The following NUDT9 variants were observed in gnomAD, a reference collection of about 807,000 sequenced individuals.
NUDT9 encodes the protein ADP-ribose pyrophosphatase.
Under a neutral mutation model 41.0 loss-of-function variants are expected in NUDT9, and 31 were observed. That is an observed-to-expected ratio of 0.76 (90% CI 0.57 to 1.02). NUDT9 has a LOEUF of 1.02. Ranked by LOEUF, NUDT9 falls within the 50% of genes least tolerant of loss-of-function variation. The pLI is 0.00. For missense variants in NUDT9, 380 were observed against 431.4 expected, an observed-to-expected ratio of 0.88 and a Z score of 1.06; for synonymous variants, 146 against 147.6, an observed-to-expected ratio of 0.99 and a Z score of 0.08.
At chr4:87,428,120 G>A (rs1005379066) in intron 1 of NUDT9, among the ~76,000 whole-genome samples, 2 of 152,140 alleles carry the variant, frequency 1.3e-5, no homozygotes, top group South Asian at 2.1e-4. Context: ...CCCGTCTGGG[G>A]ATATTAACTT....
chr4:87,436,405 G>A (rs1482503943), intron 2 of NUDT9, among the ~76,000 whole-genome samples: 1 of 152,078 alleles, frequency 6.6e-6, no homozygotes, highest in Non-Finnish European at 1.5e-5. Flanking sequence ...TGATCTCCTG[G>A]GCTCAAGTGA....
In NUDT9 at chr4:87,459,018, A is replaced by G. The variant is rs1169904734; in HGVS notation, c.*997A>G. ...TATGTTCATTGCTGCACTATTCACA[A>G]TAGCGAAGACATGAAATCAACCTAA... On this transcript the variant is annotated 3_prime_UTR_variant, in exon 8 of 8. Coordinates refer to ENST00000302174, the MANE Select transcript of NUDT9 (RefSeq NM_024047.5). 6.6e-6 allele frequency: 1 copy of G among 152,242 alleles called. No individual in the cohort carries two copies. The highest frequency in any genetic ancestry group is 2.4e-5 in the African/African-American group (1 of 41,468). 9.4% of individuals were successfully genotyped at this position (152,242 alleles called of 1,614,324 possible).
At chr4:87,423,513 T>C (rs897473174) in intron 1 of NUDT9, among the ~76,000 whole-genome samples, 1 of 149,444 alleles carries the variant, frequency 6.7e-6, no homozygotes, top group African/African-American at 2.4e-5. Flanking sequence ...TGTCTTACAC[T>C]GCCTCCTTCT....
chr4:87,453,813 A>G (rs150406792), intron 6 of NUDT9, among the ~76,000 whole-genome samples: 244 of 152,074 alleles, frequency 1.6e-3, no homozygotes, highest in African/African-American at 5.5e-3. Context: ...GTACTACATT[A>G]AAAGTTTTAT....
intron 4 of NUDT9, among the ~76,000 whole-genome samples, chr4:87,442,794 T>C (rs1560794497): frequency 1.3e-5 from 2 of 152,204 alleles, no homozygotes; most frequent in African/African-American, 4.8e-5. Flanking sequence ...ATCACTGTTT[T>C]CCACCTCCAC....
intron 6 of NUDT9, 121 bp from the exon 7 acceptor site, chr4:87,454,250 A>G: frequency 1.6e-6 from 1 of 624,644 alleles, no homozygotes; most frequent in East Asian, 2.7e-5. Context: ...CAGTAGCATT[A>G]AGTATGTTCA....
intron 1 of NUDT9, among the ~76,000 whole-genome samples, chr4:87,433,485 C>T (rs2110166048): frequency 6.6e-6 from 1 of 152,298 alleles, no homozygotes; most frequent in East Asian, 1.9e-4. Flanking sequence ...ATGCTTCTCA[C>T]TGTATGAGAT....
At position 87,435,583 on chromosome 4, in the gene NUDT9, T is replaced by A. The variant is rs183721399; in HGVS notation, c.347+363T>A. ...GTTATCAATAGAATATCCTTTGTGG[T>A]TATTTTCCAACATAGCTAGACTTGT... On this transcript the variant is annotated intron_variant, in intron 2 of 7. Coordinates refer to ENST00000302174, the MANE Select transcript of NUDT9 (RefSeq NM_024047.5). 2.0e-5 allele frequency among the ~76,000 whole-genome samples: 3 copies of A among 152,362 alleles called. 1 individual carries two copies. The highest frequency in any genetic ancestry group is 2.0e-4 in the Admixed American group (3 of 15,308).
chr4:87,423,577 G>A (rs1057381796), intron 1 of NUDT9, among the ~76,000 whole-genome samples: 13 of 151,988 alleles, frequency 8.6e-5, no homozygotes, highest in Non-Finnish European at 1.6e-4. Context: ...AGGGTCCTAG[G>A]TGCAGCAGCC....
At chr4:87,438,138 GA>G (rs11395564) in intron 2 of NUDT9, 138 bp from the exon 3 acceptor site, 42,626 of 323,514 alleles carry the variant, frequency 0.13, 1,259 homozygotes, top group East Asian at 0.2. Flanking sequence ...ATGGATTTGT[GA>G]AAAAAAAAAA....
chr4:87,443,646 TA>T (rs1316867580), intron 4 of NUDT9, among the ~76,000 whole-genome samples: 1 of 152,172 alleles, frequency 6.6e-6, no homozygotes, highest in East Asian at 1.9e-4. Flanking sequence ...ATGACTGTGG[TA>T]AACTAGTGCA....
chr4:87,448,208 G>A (rs1722550763), intron 4 of NUDT9, among the ~76,000 whole-genome samples: 1 of 135,574 alleles, frequency 7.4e-6, no homozygotes, highest in African/African-American at 2.8e-5. Flanking sequence ...GTAATGGCAC[G>A]ATCTTTGCTC....
chr4:87,454,330 C>T (rs1050744460), intron 6 of NUDT9, 41 bp from the exon 7 acceptor site: 1 of 1,138,256 alleles, frequency 8.8e-7, no homozygotes. Flanking sequence ...GTACTCACTA[C>T]ACCTTGGACT....
intron 1 of NUDT9, among the ~76,000 whole-genome samples, chr4:87,429,642 A>C (rs1209511781): frequency 1.5e-5 from 2 of 129,488 alleles, no homozygotes; most frequent in Non-Finnish European, 1.7e-5. Flanking sequence ...TTTTTTTCTT[A>C]TCCTTTCTTG....
At chr4:87,454,241 A>G (rs935811942) in intron 6 of NUDT9, 130 bp from the exon 7 acceptor site, 1 of 600,780 alleles carries the variant, frequency 1.7e-6, no homozygotes, top group Non-Finnish European at 3.0e-6. Context: ...GGTACAGCTC[A>G]GTAGCATTAA....
At position 87,458,390 on chromosome 4, in the gene NUDT9, C is replaced by T. The variant is rs562897339; in HGVS notation, c.*369C>T. ...TCTTGTTTGTCAATGCCTTCCCTCC[C>T]GCTCCCCATCTTCTGAGGCCTGAAG... On this transcript the variant is annotated 3_prime_UTR_variant, in exon 8 of 8. Transcript: ENST00000302174. 89 of 158,904 alleles carry T rather than the reference C, an allele frequency of 5.6e-4. No homozygotes were observed. Among genetic ancestry groups the T allele is most frequent in the African/African-American group, 2.0e-3 (84 of 41,868 alleles). The allele number at this position is 158,904 out of a possible 1,614,324, so 9.8% of individuals were successfully genotyped here.
chr4:87,424,561 C>T (rs1054082220), intron 1 of NUDT9, among the ~76,000 whole-genome samples: 2 of 152,166 alleles, frequency 1.3e-5, no homozygotes, highest in Non-Finnish European at 2.9e-5. Context: ...CGCGCCCGGC[C>T]TTGGTGCATA....
Position 87,454,605 on chromosome 4 carries a change from G to A in NUDT9, c.874+150G>A, listed in dbSNP as rs916589645. The stretch of plus-strand genomic sequence containing the variant: ...TAGTTATATGAAAGCAAAATTGTTG[G>A]TATTAAAGGAATACATAGAAGAAAT... On this transcript the variant is annotated intron_variant, in intron 7 of 7. Transcript: ENST00000302174. 5.4e-6 allele frequency: 3 copies of A among 550,678 alleles called. No homozygotes were observed. In the African/African-American group the frequency reaches 5.6e-5, roughly 10 times the overall value. 34.1% of individuals were successfully genotyped at this position (550,678 alleles called of 1,614,324 possible). A position where few individuals can be genotyped will look rare whatever the true frequency, so the allele number is the denominator to read the frequency against.
At chr4:87,442,362 C>T (rs1722241786) in intron 4 of NUDT9, among the ~76,000 whole-genome samples, 2 of 152,126 alleles carry the variant, frequency 1.3e-5, no homozygotes, top group African/African-American at 4.8e-5. Flanking sequence ...GTTTTGGGCA[C>T]TTACCCTGAA....
Sources: gnomAD v4.1 joint callset for allele counts (sites outside exome capture counted in the v4.1 genomes callset) on GRCh38, gnomAD v4.1.1 for gene constraint, MANE v1.5 for transcripts, NCBI Gene and HGNC (gene_info 2026-07-23, HGNC 2026-07-21) for gene names.